The following NRIP3 variants were observed in gnomAD, a reference collection of about 807,000 sequenced individuals.
NRIP3 encodes the protein nuclear receptor-interacting protein 3.
NRIP3 carries 31 observed loss-of-function variants against 29.0 expected under a neutral mutation model. That is an observed-to-expected ratio of 1.07 (90% CI 0.80 to 1.44). The LOEUF (loss-of-function observed/expected upper bound fraction) is 1.44. NRIP3 is among the 40% of genes most tolerant of loss of function. The probability of loss-of-function intolerance (pLI) is 0.00; values close to 1 mark genes in which losing one functional copy is unlikely to be tolerated. For missense variants in NRIP3, 314 were observed against 297.9 expected (o/e 1.05, Z -0.40); for synonymous variants, 131 against 118.3 (o/e 1.11, Z -0.70).
intron 1 of NRIP3, among the ~76,000 whole-genome samples, chr11:8,989,533 A>G (rs1372270932): frequency 6.6e-6 from 1 of 152,262 alleles, no homozygotes; most frequent in Non-Finnish European, 1.5e-5. Flanking sequence ...ATGCAGTCAC[A>G]GCCATGACTC....
chr11:8,999,374 T>C (rs1854759893), intron 1 of NRIP3, among the ~76,000 whole-genome samples: 1 of 152,194 alleles, frequency 6.6e-6, no homozygotes, highest in Admixed American at 6.5e-5. Context: ...TACTGTATAA[T>C]AGCTTCCTAA....
Position 8,981,768 on chromosome 11 carries a change from C to CA in NRIP3, c.*1776dup, listed in dbSNP as rs1854420550. On this transcript the variant is annotated 3_prime_UTR_variant, in exon 7 of 7. Coordinates refer to ENST00000309166, the MANE Select transcript of NRIP3 (RefSeq NM_020645.3). ...CTCATGAGCTTTAGATATAGCCTCCCAACCATGGCTGTGCTTAGCTTCCTA... is the reference window on the plus strand; with the variant it reads ...CTCATGAGCTTTAGATATAGCCTCCCAAACCATGGCTGTGCTTAGCTTCCTA... 1 of 152,132 alleles carries CA rather than the reference C, an allele frequency of 6.6e-6. No individual in the cohort carries two copies. The highest frequency in any genetic ancestry group is 2.1e-4 in the South Asian group (1 of 4,818). The allele number at this position is 152,132 out of a possible 1,614,324, so 9.4% of individuals were successfully genotyped here.
In NRIP3 at chr11:8,983,570, GAAAT is replaced by G. The variant is rs1854457447; in HGVS notation, c.711-14_711-11del. On this transcript the variant is annotated splice_polypyrimidine_tract_variant and intron_variant, in intron 6 of 6. Transcript: ENST00000309166. ...TTATGCTTCTGAAGTGCTGAAATGAGAAATAAATATCAGGAGAAATAATGCCAAA... is the reference window on the plus strand; with the variant it reads ...TTATGCTTCTGAAGTGCTGAAATGAGAAATATCAGGAGAAATAATGCCAAA... 20 of 1,613,040 alleles carry G rather than the reference GAAAT, an allele frequency of 1.2e-5. No individual in the cohort carries two copies. The highest frequency in any genetic ancestry group is 1.4e-5 in the Non-Finnish European group (17 of 1,179,238).
At position 8,993,839 on chromosome 11, in the gene NRIP3, G is replaced by A. The variant is rs190526786; in HGVS notation, c.175-5557C>T. Among the ~76,000 whole-genome samples the A allele has an allele frequency of 5.1e-3, 750 of 147,542 alleles. 11 individuals are homozygous for A. Among genetic ancestry groups the A allele is most frequent in the African/African-American group, 0.018 (730 of 40,238 alleles). On this transcript the variant is annotated intron_variant, in intron 1 of 6. Coordinates refer to ENST00000309166, the MANE Select transcript of NRIP3 (RefSeq NM_020645.3). ...AAAAAAAAAAAAAAAAGTAAGACTA[G>A]ATAGATAGTGATGAAAACAGTTAAT...
rs909693217 is a variant in NRIP3, at chr11:8,983,882, C to T, written c.703G>A (p.Glu235Lys). The T allele has an allele frequency of 6.2e-7, 1 of 1,614,018 alleles. No homozygotes were observed. Among genetic ancestry groups the T allele is most frequent in the Non-Finnish European group, 8.5e-7 (1 of 1,179,860 alleles). Reference sequence around the variant, plus strand: ...ACCCATTTGGGCACTCACTTGTCTTCATTCAAAGAGACTGTCTCCACAAAA... The same window carrying T: ...ACCCATTTGGGCACTCACTTGTCTTTATTCAAAGAGACTGTCTCCACAAAA... Reference protein sequence around the residue: ...IPFVETVSLNEDNTSEA With the variant: ...IPFVETVSLNKDNTSEA Residue 235 changes from glutamate (E) to lysine (K), a missense_variant, in exon 6 of 7, where the codon GAA becomes AAA. By Grantham distance (56) the Glu-to-Lys change is moderately conservative. Transcript: ENST00000309166.
intron 1 of NRIP3, among the ~76,000 whole-genome samples, chr11:8,991,873 C>T (rs758110887): frequency 1.3e-5 from 2 of 152,158 alleles, no homozygotes; most frequent in Non-Finnish European, 2.9e-5. Flanking sequence ...CTATGCCTGG[C>T]CCATAAAAAT....
At position 8,983,886 on chromosome 11, in the gene NRIP3, C is replaced by A. The variant is rs765951682; in HGVS notation, c.699G>T (p.Leu233Phe). The A allele has an allele frequency of 6.2e-7, 1 of 1,614,092 alleles. No homozygotes were observed. Among genetic ancestry groups the A allele is most frequent in the South Asian group, 1.1e-5 (1 of 91,072 alleles). Residue 233 changes from leucine (L) to phenylalanine (F), a missense_variant, in exon 6 of 7, where the codon TTG becomes TTT. By Grantham distance (22) the Leu-to-Phe change is conservative (BLOSUM62 0). Coordinates refer to ENST00000309166, the MANE Select transcript of NRIP3 (RefSeq NM_020645.3). The part of the protein sequence containing the change: ...EEIPFVETVS[L>F]NEDNTSEA ...ATTTGGGCACTCACTTGTCTTCATT[C>A]AAAGAGACTGTCTCCACAAAAGGGA...
rs375498302 is a variant in NRIP3, at chr11:8,984,135, C to T, written c.563-11G>A. 14 of 1,594,054 alleles carry T rather than the reference C, an allele frequency of 8.8e-6. No homozygotes were observed. Among genetic ancestry groups the T allele is most frequent in the Non-Finnish European group, 1.1e-5 (13 of 1,163,454 alleles). On this transcript the variant is annotated splice_polypyrimidine_tract_variant and intron_variant, in intron 4 of 6. Transcript: ENST00000309166. ...TTTTCTCATTGTCATCTAATAAAAACAAAAAAATGATTAAGATTTAGCCAT... is the reference window on the plus strand; with the variant it reads ...TTTTCTCATTGTCATCTAATAAAAATAAAAAAATGATTAAGATTTAGCCAT...
chr11:8,991,725 T>C (rs1308815121), intron 1 of NRIP3, among the ~76,000 whole-genome samples: 1 of 152,252 alleles, frequency 6.6e-6, no homozygotes, highest in Non-Finnish European at 1.5e-5. Flanking sequence ...CCAGTTGCTC[T>C]TTAAAATCCT....
chr11:8,990,065 C>T (rs1447615686), intron 1 of NRIP3, among the ~76,000 whole-genome samples: 9 of 152,166 alleles, frequency 5.9e-5, no homozygotes, highest in Non-Finnish European at 1.0e-4. Context: ...AATCATTATG[C>T]TTGAATTCAT....
At chr11:8,991,256 G>A (rs1460964153) in intron 1 of NRIP3, among the ~76,000 whole-genome samples, 2 of 152,120 alleles carry the variant, frequency 1.3e-5, no homozygotes, top group African/African-American at 2.4e-5. Context: ...AGCCGAGATC[G>A]CGCCACTGCA....
intron 1 of NRIP3, among the ~76,000 whole-genome samples, chr11:8,989,822 G>T (rs1854569855): frequency 6.6e-6 from 1 of 152,076 alleles, no homozygotes; most frequent in Admixed American, 6.5e-5. Flanking sequence ...CCATACTAAA[G>T]CAGGGTGTTT....
At chr11:8,985,412 G>A (rs182688815) in intron 4 of NRIP3, among the ~76,000 whole-genome samples, 34 of 151,448 alleles carry the variant, frequency 2.2e-4, no homozygotes, top group African/African-American at 6.5e-4. Flanking sequence ...CTTGTGATCC[G>A]CCCGCCTCGG....
At chr11:8,993,129 G>A (rs1322783154) in intron 1 of NRIP3, among the ~76,000 whole-genome samples, 1 of 152,146 alleles carries the variant, frequency 6.6e-6, no homozygotes, top group African/African-American at 2.4e-5. Context: ...TGGTGTTGAA[G>A]GAAAAGTCCA....
Position 8,987,631 on chromosome 11 carries a change from C to A in NRIP3, c.340-1G>T. The A allele has an allele frequency of 6.2e-7, 1 of 1,612,182 alleles. No homozygotes were observed. Among genetic ancestry groups the A allele is most frequent in the Admixed American group, 1.7e-5 (1 of 60,012 alleles). ...AGGCTTTCACATCCTTTCCAGCACA[C>A]TGTGGGGAGGAAATGTACTGTTCAA... is the stretch of plus-strand genomic sequence containing the variant. On this transcript the variant is annotated splice_acceptor_variant, in intron 2 of 6. Coordinates refer to ENST00000309166, the MANE Select transcript of NRIP3 (RefSeq NM_020645.3). LOFTEE classifies it high-confidence loss of function.
chr11:8,985,961 T>A, intron 3 of NRIP3, 111 bp from the exon 4 acceptor site: 1 of 1,287,844 alleles, frequency 7.8e-7, no homozygotes, highest in Non-Finnish European at 1.1e-6. Flanking sequence ...CTCCTGGGAT[T>A]AATCTACCGA....
Position 9,000,802 on chromosome 11 carries a change from C to T in NRIP3, c.174+2960G>A, listed in dbSNP as rs368780503. On this transcript the variant is annotated intron_variant, in intron 1 of 6. Transcript: ENST00000309166. ...AAAAAATCAGGGCTGGGTGTGGTAG[C>T]TCATGTTTGTAATCCCAGCACTTTG... is the stretch of plus-strand genomic sequence containing the variant. Among the ~76,000 whole-genome samples, 5 of 152,124 alleles carry T rather than the reference C, an allele frequency of 3.3e-5. No individual in the cohort carries two copies. The South Asian group carries it at 1.0e-3, about 32-fold the overall frequency.
chr11:8,988,841 G>A (rs553485272), intron 1 of NRIP3, among the ~76,000 whole-genome samples: 1 of 152,326 alleles, frequency 6.6e-6, no homozygotes, highest in East Asian at 1.9e-4. Flanking sequence ...CCTGTGGACT[G>A]AGTCACCCAT....
chr11:8,999,572 A>T (rs113512137), intron 1 of NRIP3, among the ~76,000 whole-genome samples: 1 of 152,250 alleles, frequency 6.6e-6, no homozygotes, highest in African/African-American at 2.4e-5. Flanking sequence ...AAAATAAAAA[A>T]AATAATAATT....
Sources: gnomAD v4.1 joint callset for allele counts (sites outside exome capture counted in the v4.1 genomes callset) on GRCh38, gnomAD v4.1.1 for gene constraint, MANE v1.5 for transcripts, NCBI Gene and HGNC (gene_info 2026-07-23, HGNC 2026-07-21) for gene names.